SLC1A1: variants seen among roughly 807,000 people sequenced by gnomAD.
SLC1A1 encodes the protein excitatory amino acid transporter 3.
A neutral mutation model predicts 53.3 loss-of-function variants in SLC1A1; 43 were observed. The observed-to-expected ratio is 0.81, with a 90% CI of 0.63 to 1.04. The LOEUF (loss-of-function observed/expected upper bound fraction) is 1.04, where lower values mean the gene tolerates loss of function less well. SLC1A1 is among the 50% of genes least tolerant of loss of function. The probability of loss-of-function intolerance (pLI) is 0.00; values close to 1 mark genes in which losing one functional copy is unlikely to be tolerated. For synonymous variants in SLC1A1, 307 were observed against 243.2 expected (o/e 1.26, Z -2.44); for missense variants, 748 against 664.9 (o/e 1.12, Z -1.37).
chr9:4,550,585 C>T (rs1215755371), intron 2 of SLC1A1, among the ~76,000 whole-genome samples: 2 of 152,096 alleles, frequency 1.3e-5, no homozygotes, highest in Non-Finnish European at 2.9e-5. Flanking sequence ...GCGATAGGGT[C>T]TTGATATATT....
At chr9:4,527,170 C>G (rs972426988) in intron 1 of SLC1A1, among the ~76,000 whole-genome samples, 3 of 152,096 alleles carry the variant, frequency 2.0e-5, no homozygotes, top group African/African-American at 7.2e-5. Flanking sequence ...AGAAATCCTA[C>G]AACTACCAGG....
intron 1 of SLC1A1, among the ~76,000 whole-genome samples, chr9:4,505,655 GTTGT>G (rs1162992479): frequency 6.6e-6 from 1 of 151,850 alleles, no homozygotes; most frequent in Non-Finnish European, 1.5e-5. Flanking sequence ...TGTTGTTGTT[GTTGT>G]TTTTCTTTTT....
rs12341097 is a variant in SLC1A1, at chr9:4,547,503, T to G, written c.232+2796T>G. ...ATATCCATGTTTTAAATTGTCAGAT[T>G]AGAGGGAAAAGCAACAAGACTAGTG... On this transcript the variant is annotated intron_variant, in intron 2 of 11. Transcript: ENST00000262352. Among the ~76,000 whole-genome samples, 275 of 152,256 alleles carry G rather than the reference T, an allele frequency of 1.8e-3. 1 individual carries two copies. The highest frequency in any genetic ancestry group is 6.2e-3 in the African/African-American group (259 of 41,552).
chr9:4,585,396 G>A lies in SLC1A1; in HGVS notation c.1413G>A (p.Glu471=), dbSNP rs1161578591. 3.1e-6 allele frequency: 5 copies of A among 1,614,228 alleles called. No homozygotes were observed. The highest frequency in any genetic ancestry group is 4.5e-5 in the East Asian group (2 of 44,890). The change falls in exon 12 of 12, where the codon GAG becomes GAA. Residue 471 remains glutamate, a synonymous_variant. Coordinates refer to ENST00000262352, the MANE Select transcript of SLC1A1 (RefSeq NM_004170.6). ...AAAAGCTCTCCAAGAAGGAGCTGGA[G>A]CAGATGGATGTTTCATCTGAAGTCA... ...IVEKLSKKEL[E]QMDVSSEVNI...
intron 2 of SLC1A1, among the ~76,000 whole-genome samples, chr9:4,550,476 G>C (rs1336795612): frequency 6.6e-6 from 1 of 152,126 alleles, no homozygotes; most frequent in East Asian, 1.9e-4. Flanking sequence ...CTGTAGTCTT[G>C]AACTCCTGGA....
chr9:4,576,019 T>A lies in SLC1A1; in HGVS notation c.894T>A (p.Ile298=), dbSNP rs1564061458. 1 of 1,614,154 alleles carries A rather than the reference T, an allele frequency of 6.2e-7. No individual in the cohort carries two copies. ...TVLTGLAIHS[I]VILPLIYFIV... is the part of the protein sequence containing the mutation. ...TTTACAGGCTTGCAATCCACTCCATTGTAATTCTCCCGCTGATATATTTCA... is the reference window on the plus strand; with the variant it reads ...TTTACAGGCTTGCAATCCACTCCATAGTAATTCTCCCGCTGATATATTTCA... The change falls in exon 9 of 12, where the codon ATT becomes ATA. Residue 298 remains isoleucine (I), a synonymous_variant. Coordinates refer to ENST00000262352, the MANE Select transcript of SLC1A1 (RefSeq NM_004170.6).
At chr9:4,528,739 C>G (rs1816358155) in intron 1 of SLC1A1, among the ~76,000 whole-genome samples, 1 of 152,152 alleles carries the variant, frequency 6.6e-6, no homozygotes, top group South Asian at 2.1e-4. Flanking sequence ...GTACATGCTT[C>G]TCAGTCTACA....
chr9:4,497,523 G>T (rs1820475965), intron 1 of SLC1A1, among the ~76,000 whole-genome samples: 1 of 152,172 alleles, frequency 6.6e-6, no homozygotes, highest in Non-Finnish European at 1.5e-5. Flanking sequence ...ATGACCCAGA[G>T]AGTTAGTAAA....
rs1278264787 is a variant in SLC1A1, at chr9:4,564,200, A to C, written c.326-144A>C. 3 of 684,206 alleles carry C rather than the reference A, an allele frequency of 4.4e-6. No homozygotes were observed. In the African/African-American group the frequency reaches 5.3e-5, roughly 12 times the overall value. 42.4% of individuals were successfully genotyped at this position (684,206 alleles called of 1,614,324 possible). On this transcript the variant is annotated intron_variant, in intron 3 of 11. Coordinates refer to ENST00000262352, the MANE Select transcript of SLC1A1 (RefSeq NM_004170.6). ...AAGGTGGCTGCTGAGGTTCCAGAGG[A>C]GGCTCAGCATTTTGGCTGGACCTCA...
chr9:4,510,109 C>T lies in SLC1A1; in HGVS notation c.91+19339C>T, dbSNP rs1820949325. ...TTGGCCTCCCAAAGTGCTGGGATTA[C>T]AGGCATGAGCCACTACGCCCAGTCT... On this transcript the variant is annotated intron_variant, in intron 1 of 11. Transcript: ENST00000262352. Among the ~76,000 whole-genome samples, 3 of 152,332 alleles carry T rather than the reference C, an allele frequency of 2.0e-5. No individual in the cohort carries two copies. In the South Asian group the frequency reaches 6.2e-4, roughly 32 times the overall value.
chr9:4,522,725 G>C (rs1816125771), intron 1 of SLC1A1, among the ~76,000 whole-genome samples: 1 of 152,164 alleles, frequency 6.6e-6, no homozygotes, highest in South Asian at 2.1e-4. Flanking sequence ...GTGTGAGCGT[G>C]TGAAGGAGGA....
At chr9:4,577,676 T>C (rs1464973990) in intron 10 of SLC1A1, among the ~76,000 whole-genome samples, 2 of 152,162 alleles carry the variant, frequency 1.3e-5, no homozygotes. Flanking sequence ...GGTTTCACCA[T>C]GTTGGCCAGG....
At position 4,586,879 on chromosome 9, in the gene SLC1A1, T is replaced by A. The variant is rs774629777; in HGVS notation, c.*1321T>A. On this transcript the variant is annotated 3_prime_UTR_variant, in exon 12 of 12. Coordinates refer to ENST00000262352, the MANE Select transcript of SLC1A1 (RefSeq NM_004170.6). ...CCAGGAGGACTGTTCTAACTAGTAA[T>A]CTTGGCCCTATTCATTACATCCTCT... The A allele has an allele frequency of 6.6e-6, 1 of 152,444 alleles. No individual in the cohort carries two copies. The highest frequency in any genetic ancestry group is 1.5e-5 in the Non-Finnish European group (1 of 68,044). The allele number at this position is 152,444 out of a possible 1,614,324, so 9.4% of individuals were successfully genotyped here.
intron 1 of SLC1A1, among the ~76,000 whole-genome samples, chr9:4,509,085 A>G (rs1820903475): frequency 1.3e-5 from 2 of 152,148 alleles, no homozygotes; most frequent in Non-Finnish European, 2.9e-5. Context: ...ACTAGGCTTT[A>G]AGGGGTGGGT....
intron 6 of SLC1A1, among the ~76,000 whole-genome samples, chr9:4,568,145 T>C (rs182464134): frequency 5.0e-4 from 76 of 152,184 alleles, no homozygotes; most frequent in African/African-American, 1.7e-3. Flanking sequence ...CAAGGTGGGG[T>C]TCAGTGACTC....
At position 4,586,293 on chromosome 9, in the gene SLC1A1, A is replaced by G. The variant is rs996489352; in HGVS notation, c.*735A>G. On this transcript the variant is annotated 3_prime_UTR_variant, in exon 12 of 12. Transcript: ENST00000262352. Reference sequence around the variant, plus strand: ...AGATCAGAATTGAACCGTCAATGTGAAATAAAGAGTTCTCCTTGTACTTGA... The same window carrying G: ...AGATCAGAATTGAACCGTCAATGTGGAATAAAGAGTTCTCCTTGTACTTGA... The G allele has an allele frequency of 6.6e-6, 1 of 152,110 alleles. No individual in the cohort carries two copies. Among genetic ancestry groups the G allele is most frequent in the African/African-American group, 2.4e-5 (1 of 41,392 alleles). The allele number at this position is 152,110 out of a possible 1,614,324, so 9.4% of individuals were successfully genotyped here. A position where few individuals can be genotyped will look rare whatever the true frequency, so the allele number is the denominator to read the frequency against.
intron 6 of SLC1A1, among the ~76,000 whole-genome samples, chr9:4,570,003 A>C (rs1392026389): frequency 6.6e-6 from 1 of 152,174 alleles, no homozygotes; most frequent in African/African-American, 2.4e-5. Context: ...TGGAGGCCAT[A>C]ATGAATGAGC....
intron 1 of SLC1A1, among the ~76,000 whole-genome samples, chr9:4,495,417 A>G (rs559777017): frequency 6.6e-6 from 1 of 152,278 alleles, no homozygotes; most frequent in African/African-American, 2.4e-5. Flanking sequence ...GGTAGACCAT[A>G]AATAGAATAC....
chr9:4,536,165 A>C (rs1328419769), intron 1 of SLC1A1, among the ~76,000 whole-genome samples: 1 of 152,200 alleles, frequency 6.6e-6, no homozygotes, highest in African/African-American at 2.4e-5. Context: ...CACCAAAAGC[A>C]ATGGCAACAA....
Sources: gnomAD v4.1 joint callset for allele counts (sites outside exome capture counted in the v4.1 genomes callset) on GRCh38, gnomAD v4.1.1 for gene constraint, MANE v1.5 for transcripts, NCBI Gene and HGNC (gene_info 2026-07-23, HGNC 2026-07-21) for gene names.